PTPN2: variants seen among roughly 807,000 people sequenced by gnomAD.
PTPN2 encodes the protein protein tyrosine phosphatase non-receptor type 2.
A neutral mutation model predicts 57.3 loss-of-function variants in PTPN2; 19 were observed. That is an observed-to-expected ratio of 0.33 (90% CI 0.23 to 0.49). PTPN2 has a LOEUF of 0.49. PTPN2 is among the 20% of genes least tolerant of loss of function. PTPN2 has a pLI of 0.99. For synonymous variants in PTPN2, 153 were observed against 164.9 expected, an observed-to-expected ratio of 0.93 and a Z score of 0.55; for missense variants, 358 against 501.1, an observed-to-expected ratio of 0.71 and a Z score of 2.73.
intron 4 of PTPN2, among the ~76,000 whole-genome samples, chr18:12,826,297 T>G (rs2042455760): frequency 2.0e-5 from 3 of 151,910 alleles, no homozygotes; most frequent in Non-Finnish European, 4.4e-5. Context: ...CAGCTACTTG[T>G]GAGAGTGAGG....
intron 2 of PTPN2, among the ~76,000 whole-genome samples, chr18:12,851,485 C>CAAAAAA (rs1218202992): frequency 1.0e-4 from 1 of 9,906 alleles, no homozygotes; most frequent in Non-Finnish European, 2.8e-4. Context: ...GACTCCGTCT[C>CAAAAAA]AAAAAAAAAA....
At chr18:12,872,535 T>G (rs1384018416) in intron 1 of PTPN2, among the ~76,000 whole-genome samples, 2 of 152,228 alleles carry the variant, frequency 1.3e-5, no homozygotes, top group African/African-American at 4.8e-5. Context: ...GCCAGTTTCT[T>G]TGTTTTGAGA....
intron 2 of PTPN2, among the ~76,000 whole-genome samples, chr18:12,846,063 A>G (rs560574038): frequency 8.5e-5 from 13 of 152,170 alleles, no homozygotes; most frequent in Non-Finnish European, 1.6e-4. Context: ...GTTGTCAGAT[A>G]TCTATTTCCC....
chr18:12,877,151 C>G (rs1436561902), intron 1 of PTPN2, among the ~76,000 whole-genome samples: 1 of 152,084 alleles, frequency 6.6e-6, no homozygotes, highest in Non-Finnish European at 1.5e-5. Flanking sequence ...TAAAAGGGAA[C>G]AGTTTTCCTG....
At chr18:12,856,579 A>G (rs554143186) in intron 2 of PTPN2, among the ~76,000 whole-genome samples, 11 of 152,276 alleles carry the variant, frequency 7.2e-5, no homozygotes, top group East Asian at 5.8e-4. Context: ...CCTGGTCCCA[A>G]TGATGATGGA....
intron 2 of PTPN2, among the ~76,000 whole-genome samples, chr18:12,845,813 C>T (rs1281122711): frequency 6.6e-6 from 1 of 152,154 alleles, no homozygotes; most frequent in Admixed American, 6.5e-5. Flanking sequence ...CAGCAAGTTG[C>T]AAACATACCT....
chr18:12,807,771 G>GT (rs1486701908), intron 7 of PTPN2, among the ~76,000 whole-genome samples: 1 of 151,536 alleles, frequency 6.6e-6, no homozygotes, highest in Non-Finnish European at 1.5e-5. Context: ...GAGTAGAATA[G>GT]TACCTACTGG....
At chr18:12,835,871 T>C (rs906904517) in intron 3 of PTPN2, among the ~76,000 whole-genome samples, 2 of 152,202 alleles carry the variant, frequency 1.3e-5, no homozygotes, top group Admixed American at 1.3e-4. Context: ...ACTAGGAGTT[T>C]ATGTCCTTTG....
chr18:12,795,438 C>T (rs921042310), intron 8 of PTPN2, among the ~76,000 whole-genome samples: 3 of 152,150 alleles, frequency 2.0e-5, no homozygotes, highest in Admixed American at 6.5e-5. Context: ...GGATTACAGA[C>T]GTGCACCACC....
intron 7 of PTPN2, among the ~76,000 whole-genome samples, chr18:12,812,444 G>C (rs1598764317): frequency 6.6e-6 from 1 of 152,090 alleles, no homozygotes; most frequent in South Asian, 2.1e-4. Flanking sequence ...TACTAAAAAT[G>C]CAAAATTAGC....
rs1034501161 is a variant in PTPN2, at chr18:12,793,071, T to C, written c.*1207A>G. On this transcript the variant is annotated 3_prime_UTR_variant, in exon 9 of 9. Transcript: ENST00000309660. ...AAATAAGGTATGCTATCCATAATAA[T>C]GTATGCTATCCATGCCTCCTAGCAA... The C allele has an allele frequency of 3.2e-5, 32 of 985,274 alleles. No individual in the cohort carries two copies. The highest frequency in any genetic ancestry group is 3.5e-5 in the Non-Finnish European group (29 of 829,872). The allele number at this position is 985,274 out of a possible 1,614,324, so 61.0% of individuals were successfully genotyped here. A position where few individuals can be genotyped will look rare whatever the true frequency, so the allele number is the denominator to read the frequency against.
At chr18:12,867,464 ATGT>A (rs1298236542) in intron 1 of PTPN2, among the ~76,000 whole-genome samples, 56 of 151,736 alleles carry the variant, frequency 3.7e-4, no homozygotes, top group Admixed American at 3.7e-3. Flanking sequence ...TTGTCCTCAG[ATGT>A]TGTCAAGATT....
chr18:12,820,255 G>GT (rs11302687), intron 5 of PTPN2, among the ~76,000 whole-genome samples: 16 of 151,660 alleles, frequency 1.1e-4, no homozygotes, highest in Non-Finnish European at 1.6e-4. Flanking sequence ...ATCAGTTGTT[G>GT]TTTTTTTTCC....
intron 2 of PTPN2, among the ~76,000 whole-genome samples, chr18:12,855,459 G>C (rs1204110131): frequency 6.6e-6 from 1 of 151,894 alleles, no homozygotes; most frequent in Admixed American, 6.6e-5. Context: ...CAGAGGGAGG[G>C]GAGGCTTCTC....
At chr18:12,832,375 C>T (rs111922241) in intron 3 of PTPN2, among the ~76,000 whole-genome samples, 67 of 152,274 alleles carry the variant, frequency 4.4e-4, no homozygotes, top group African/African-American at 1.5e-3. Flanking sequence ...CCTCAGCCTC[C>T]CAAAGTGCTG....
At chr18:12,854,505 T>C (rs1187887030) in intron 2 of PTPN2, among the ~76,000 whole-genome samples, 1 of 151,816 alleles carries the variant, frequency 6.6e-6, no homozygotes, top group Non-Finnish European at 1.5e-5. Context: ...CTTATAAACA[T>C]GGGGAAAAGG....
exon 10 of PTPN2, chr18:12,785,700 A>T (rs987306205): frequency 7.0e-6 from 6 of 856,054 alleles, no homozygotes; most frequent in Middle Eastern, 3.4e-4. Context: ...GTAAACAAAC[A>T]ACTGTGAGGC....
chr18:12,809,696 G>T (rs1568096296), intron 7 of PTPN2, among the ~76,000 whole-genome samples: 1 of 152,178 alleles, frequency 6.6e-6, no homozygotes, highest in South Asian at 2.1e-4. Context: ...GGACAGAGAT[G>T]TAACATTGCA....
At chr18:12,798,990 T>C (rs1042711444) in intron 8 of PTPN2, among the ~76,000 whole-genome samples, 3 of 152,228 alleles carry the variant, frequency 2.0e-5, no homozygotes, top group Non-Finnish European at 4.4e-5. Context: ...TTAAAAAATG[T>C]TTATAATCCA....
Sources: allele counts gnomAD v4.1 joint callset (sites outside exome capture counted in the v4.1 genomes callset), GRCh38; gene constraint gnomAD v4.1.1; transcripts MANE v1.5; gene names NCBI Gene and HGNC (gene_info 2026-07-23, HGNC 2026-07-21).